CSMD1: variants seen among roughly 807,000 people sequenced by gnomAD.
The protein encoded by CSMD1 is CUB and Sushi multiple domains 1.
A neutral mutation model predicts 417.5 loss-of-function variants in CSMD1; 213 were observed. The observed-to-expected ratio is 0.51, with a 90% CI of 0.46 to 0.57. The LOEUF is 0.57. Ranked by LOEUF, CSMD1 falls within the 20% of genes least tolerant of loss-of-function variation. The pLI is 0.00. For synonymous variants in CSMD1, 2,862 were observed against 1,736.8 expected, an observed-to-expected ratio of 1.65 and a Z score of -16.11; for missense variants, 6,923 against 4,529.7, an observed-to-expected ratio of 1.53 and a Z score of -15.17.
intron 8 of CSMD1, among the ~76,000 whole-genome samples, chr8:3,616,470 C>T (rs184644031): frequency 6.6e-6 from 1 of 152,150 alleles, no homozygotes; most frequent in African/African-American, 2.4e-5. Context: ...TTATAAATTA[C>T]CCACTCTCTG....
At chr8:3,848,838 G>C (rs982008389) in intron 5 of CSMD1, among the ~76,000 whole-genome samples, 6 of 151,746 alleles carry the variant, frequency 4.0e-5, no homozygotes, top group African/African-American at 1.5e-4. Flanking sequence ...TTTATGAAAG[G>C]ATGTTTATAA....
chr8:3,074,699 TG>T (rs1196950659), intron 49 of CSMD1, among the ~76,000 whole-genome samples: 1 of 152,228 alleles, frequency 6.6e-6, no homozygotes, highest in African/African-American at 2.4e-5. Context: ...ACGACATAAC[TG>T]GTCATTGAAA....
intron 1 of CSMD1, among the ~76,000 whole-genome samples, chr8:4,839,867 AT>A (rs1238769812): frequency 6.6e-6 from 1 of 152,172 alleles, no homozygotes; most frequent in Non-Finnish European, 1.5e-5. Flanking sequence ...ATATCTTTCA[AT>A]TCTTAGTACT....
In CSMD1 at chr8:4,803,177, C is replaced by T. The variant is rs188127019; in HGVS notation, c.86-165619G>A. Among the ~76,000 whole-genome samples, 7 of 152,222 alleles carry T rather than the reference C, an allele frequency of 4.6e-5. No individual in the cohort carries two copies. In the East Asian group the frequency reaches 1.4e-3, roughly 29 times the overall value. ...TGAATATAAGCTATTTGTTAATATT[C>T]TTTAAGTTGATCCTGGCCACTTTCC... On this transcript the variant is annotated intron_variant, in intron 1 of 69. Transcript: ENST00000635120.
At chr8:4,118,271 A>T (rs1802275987) in intron 3 of CSMD1, among the ~76,000 whole-genome samples, 1 of 152,178 alleles carries the variant, frequency 6.6e-6, no homozygotes, top group South Asian at 2.1e-4. Context: ...GCCCTTAAGA[A>T]ATGCTCACAT....
At chr8:3,787,457 C>A (rs1368357799) in intron 5 of CSMD1, among the ~76,000 whole-genome samples, 1 of 151,994 alleles carries the variant, frequency 6.6e-6, no homozygotes, top group Admixed American at 6.6e-5. Flanking sequence ...TACAATAATT[C>A]ATGTGAAAAA....
chr8:3,919,184 CAAAAAAAAAAAA>C (rs71203490), intron 5 of CSMD1, among the ~76,000 whole-genome samples: 8 of 91,818 alleles, frequency 8.7e-5, no homozygotes, highest in East Asian at 3.4e-4. Flanking sequence ...GTGTCATATC[CAAAAAAAAAAAA>C]AAAAAAAAAA....
chr8:4,238,887 CTTTT>C (rs1043033291), intron 3 of CSMD1, among the ~76,000 whole-genome samples: 2 of 152,062 alleles, frequency 1.3e-5, no homozygotes, highest in African/African-American at 4.8e-5. Flanking sequence ...TTAGCAAATG[CTTTT>C]TTGAGTTTCT....
intron 3 of CSMD1, among the ~76,000 whole-genome samples, chr8:4,271,482 C>A (rs1466046708): frequency 1.3e-5 from 2 of 151,710 alleles, no homozygotes; most frequent in Admixed American, 6.6e-5. Context: ...ATACATTTTT[C>A]ATAGAGAAAA....
intron 5 of CSMD1, among the ~76,000 whole-genome samples, chr8:3,827,955 A>G (rs950713235): frequency 3.9e-5 from 6 of 152,356 alleles, no homozygotes; most frequent in African/African-American, 1.4e-4. Flanking sequence ...CTATCCTGAC[A>G]TTGCTAACCA....
chr8:3,091,241 AGTTT>A (rs1232043634), intron 48 of CSMD1, among the ~76,000 whole-genome samples: 2 of 152,000 alleles, frequency 1.3e-5, no homozygotes, highest in African/African-American at 4.8e-5. Context: ...TGATTATATT[AGTTT>A]ATCTTTTGGA....
chr8:3,729,561 G>A (rs918580895), intron 6 of CSMD1, among the ~76,000 whole-genome samples: 2 of 152,144 alleles, frequency 1.3e-5, no homozygotes, highest in Admixed American at 6.5e-5. Context: ...TGTCCAGAAG[G>A]TATCGGGTCA....
chr8:4,247,504 G>T (rs571415694), intron 3 of CSMD1, among the ~76,000 whole-genome samples: 2 of 152,204 alleles, frequency 1.3e-5, no homozygotes, highest in East Asian at 1.9e-4. Context: ...TTTTCTTTCG[G>T]TGTAGAAATT....
At chr8:4,484,794 C>G (rs1429911681) in intron 2 of CSMD1, among the ~76,000 whole-genome samples, 13 of 151,716 alleles carry the variant, frequency 8.6e-5, no homozygotes, top group South Asian at 2.1e-4. Flanking sequence ...ACGGTGAAAC[C>G]CCGTCTCTAC....
chr8:3,089,671 C>CA (rs1205062706), intron 48 of CSMD1, among the ~76,000 whole-genome samples: 2 of 152,084 alleles, frequency 1.3e-5, no homozygotes, highest in African/African-American at 4.8e-5. Flanking sequence ...ACTGAGTCAT[C>CA]AATTCTAAGT....
intron 12 of CSMD1, among the ~76,000 whole-genome samples, chr8:3,459,024 G>A (rs887155634): frequency 6.6e-6 from 1 of 152,234 alleles, no homozygotes; most frequent in Non-Finnish European, 1.5e-5. Flanking sequence ...ACCCGCAAGG[G>A]TAGGAAGGAC....
At chr8:3,066,497 G>C (rs185175972) in intron 49 of CSMD1, among the ~76,000 whole-genome samples, 2 of 152,146 alleles carry the variant, frequency 1.3e-5, no homozygotes, top group Non-Finnish European at 2.9e-5. Flanking sequence ...ATGAACTGAC[G>C]ACATGTATTT....
At chr8:4,834,609 G>C (rs930605524) in intron 1 of CSMD1, among the ~76,000 whole-genome samples, 1 of 151,816 alleles carries the variant, frequency 6.6e-6, no homozygotes, top group Non-Finnish European at 1.5e-5. Context: ...CGTGGTCCAG[G>C]ATAAAGAATG....
chr8:4,404,421 T>C (rs1326271263), intron 3 of CSMD1, among the ~76,000 whole-genome samples: 1 of 152,178 alleles, frequency 6.6e-6, no homozygotes, highest in Non-Finnish European at 1.5e-5. Context: ...CAGTTAATCA[T>C]CAATAAATAT....
Sources: gnomAD v4.1 joint callset for allele counts (sites outside exome capture counted in the v4.1 genomes callset) on GRCh38, gnomAD v4.1.1 for gene constraint, MANE v1.5 for transcripts, NCBI Gene and HGNC (gene_info 2026-07-23, HGNC 2026-07-21) for gene names.